The following NAALADL2 variants were observed in gnomAD, a reference collection of about 807,000 sequenced individuals.
The protein encoded by NAALADL2 is inactive N-acetylated-alpha-linked acidic dipeptidase-like protein 2.
In NAALADL2, 76 loss-of-function variants were observed where a neutral mutation model predicts 87.2. The ratio of observed to expected loss-of-function variants is 0.87; its 90% CI spans 0.72 to 1.05. The LOEUF is 1.05. NAALADL2 is among the 50% of genes least tolerant of loss of function. The pLI, the probability that NAALADL2 is intolerant of heterozygous loss-of-function variation, is 0.00. For synonymous variants in NAALADL2, 354 were observed against 331.0 expected (o/e 1.07, Z -0.75); for missense variants, 1,089 against 945.8 (o/e 1.15, Z -1.99).
At chr3:175,393,016 A>T (rs968977866) in intron 5 of NAALADL2, among the ~76,000 whole-genome samples, 1 of 152,206 alleles carries the variant, frequency 6.6e-6, no homozygotes, top group African/African-American at 2.4e-5. Flanking sequence ...TTAAAATTGT[A>T]GAGTTGTCAG....
chr3:174,782,574 A>G (rs1379910281), intron 3 of NAALADL2, among the ~76,000 whole-genome samples: 1 of 152,086 alleles, frequency 6.6e-6, no homozygotes, highest in Non-Finnish European at 1.5e-5. Flanking sequence ...GCAATAATGA[A>G]GTTGTATTAG....
intron 13 of NAALADL2, among the ~76,000 whole-genome samples, chr3:175,761,344 C>T (rs1747981820): frequency 6.6e-6 from 1 of 152,200 alleles, no homozygotes; most frequent in Non-Finnish European, 1.5e-5. Flanking sequence ...TTTCATGTAG[C>T]AATATGCAGT....
At chr3:175,206,695 A>G (rs1041954033) in intron 2 of NAALADL2, among the ~76,000 whole-genome samples, 6 of 152,180 alleles carry the variant, frequency 3.9e-5, no homozygotes, top group Non-Finnish European at 7.4e-5. Context: ...CTGTACCCCA[A>G]TAACTTCTGG....
intron 3 of NAALADL2, among the ~76,000 whole-genome samples, chr3:174,768,585 G>A (rs1473341156): frequency 6.6e-6 from 1 of 152,112 alleles, no homozygotes; most frequent in Non-Finnish European, 1.5e-5. Flanking sequence ...ACATTTAGTA[G>A]TTTTAAAAAA....
chr3:175,497,661 A>T (rs28510315), intron 9 of NAALADL2, among the ~76,000 whole-genome samples: 11 of 142,742 alleles, frequency 7.7e-5, no homozygotes, highest in African/African-American at 2.7e-4. Context: ...TCTTTTTTTT[A>T]TTTTTTTCCT....
chr3:174,705,537 C>T (rs1729970809), intron 2 of NAALADL2, among the ~76,000 whole-genome samples: 2 of 152,296 alleles, frequency 1.3e-5, no homozygotes, highest in Admixed American at 1.3e-4. Context: ...GTAATCCCAG[C>T]ACTTTGGGAG....
chr3:175,534,937 C>T lies in NAALADL2; in HGVS notation c.1654-41104C>T, dbSNP rs1382359798. ...AAAAGAACATATCCTTTAAGGGCTT[C>T]GTCCATACAACGAGACCTACTTGTT... is the stretch of plus-strand genomic sequence containing the variant. On this transcript the variant is annotated intron_variant, in intron 9 of 13. Coordinates refer to ENST00000454872, the MANE Select transcript of NAALADL2 (RefSeq NM_207015.3). Among the ~76,000 whole-genome samples, 4 of 151,846 alleles carry T rather than the reference C, an allele frequency of 2.6e-5. 1 individual carries two copies. The highest frequency in any genetic ancestry group is 4.2e-4 in the South Asian group (2 of 4,818).
At chr3:175,282,738 G>A (rs137858617) in intron 4 of NAALADL2, among the ~76,000 whole-genome samples, 21 of 152,132 alleles carry the variant, frequency 1.4e-4, no homozygotes, top group Non-Finnish European at 2.8e-4. Context: ...ACCTTCAGTA[G>A]TTGGAGGGGG....
intron 11 of NAALADL2, among the ~76,000 whole-genome samples, chr3:175,727,392 T>C (rs1743083437): frequency 2.0e-5 from 3 of 152,196 alleles, no homozygotes; most frequent in Non-Finnish European, 2.9e-5. Flanking sequence ...TGTTCACACG[T>C]AGTTTCTTTT....
At chr3:174,878,787 T>C (rs563244179) in intron 1 of NAALADL2, among the ~76,000 whole-genome samples, 2 of 152,148 alleles carry the variant, frequency 1.3e-5, no homozygotes, top group African/African-American at 4.8e-5. Context: ...CTTTTTTTCA[T>C]ACCTCAGAAG....
At chr3:174,683,399 T>A (rs1470682480) in intron 2 of NAALADL2, among the ~76,000 whole-genome samples, 1 of 152,050 alleles carries the variant, frequency 6.6e-6, no homozygotes, top group Non-Finnish European at 1.5e-5. Flanking sequence ...CAGGTGAGAA[T>A]GCCAAAATTA....
intron 1 of NAALADL2, among the ~76,000 whole-genome samples, chr3:174,877,818 T>G (rs1278513382): frequency 6.6e-6 from 1 of 152,030 alleles, no homozygotes; most frequent in Non-Finnish European, 1.5e-5. Flanking sequence ...TTGCATAGTT[T>G]AAAGATGATA....
At chr3:175,076,602 G>A (rs1443664816) in intron 1 of NAALADL2, among the ~76,000 whole-genome samples, 1 of 152,042 alleles carries the variant, frequency 6.6e-6, no homozygotes, top group Non-Finnish European at 1.5e-5. Context: ...ATCTTGGCTT[G>A]TTACTTACCT....
At chr3:175,645,738 T>G (rs369765675) in intron 11 of NAALADL2, among the ~76,000 whole-genome samples, 3 of 152,250 alleles carry the variant, frequency 2.0e-5, no homozygotes. Flanking sequence ...TGGGAGTTAG[T>G]TGATAACATA....
At position 175,031,886 on chromosome 3, in the gene NAALADL2, CA is replaced by C. The variant is rs1375400596; in HGVS notation, c.44-64903del. On this transcript the variant is annotated intron_variant, in intron 1 of 13. Transcript: ENST00000454872. Reference sequence around the variant, plus strand: ...ATGTTAGTGATGTTGAGCATTTTTTCATGTTTGTTGCCTGCTTCTATGTCTT... The same window carrying C: ...ATGTTAGTGATGTTGAGCATTTTTTCTGTTTGTTGCCTGCTTCTATGTCTT... 2.0e-5 allele frequency among the ~76,000 whole-genome samples: 3 copies of C among 151,978 alleles called. No homozygotes were observed. In the East Asian group the frequency reaches 5.8e-4, roughly 29 times the overall value.
At chr3:174,929,119 G>C (rs1044391614) in intron 1 of NAALADL2, among the ~76,000 whole-genome samples, 8 of 152,176 alleles carry the variant, frequency 5.3e-5, no homozygotes, top group Non-Finnish European at 1.0e-4. Context: ...AGTAGTCAGC[G>C]TCACAGCATT....
chr3:175,036,750 A>C (rs1421023069), intron 1 of NAALADL2, among the ~76,000 whole-genome samples: 1 of 113,208 alleles, frequency 8.8e-6, no homozygotes, highest in Non-Finnish European at 1.9e-5. Context: ...AAAATATTTT[A>C]TTGTTTTTCC....
chr3:175,140,905 T>A (rs953252389), intron 2 of NAALADL2, among the ~76,000 whole-genome samples: 8 of 152,014 alleles, frequency 5.3e-5, no homozygotes, highest in Admixed American at 2.6e-4. Context: ...TGGCAGTAAA[T>A]CACTTAAGAT....
chr3:175,648,574 G>A (rs1376973711), intron 11 of NAALADL2, among the ~76,000 whole-genome samples: 1 of 147,572 alleles, frequency 6.8e-6, no homozygotes, highest in Non-Finnish European at 1.5e-5. Flanking sequence ...ATGTGCCAAT[G>A]TCACATACAT....
Sources: allele counts gnomAD v4.1 joint callset (sites outside exome capture counted in the v4.1 genomes callset), GRCh38; gene constraint gnomAD v4.1.1; transcripts MANE v1.5; gene names NCBI Gene and HGNC (gene_info 2026-07-23, HGNC 2026-07-21).